ARHGAP15: variants seen among roughly 807,000 people sequenced by gnomAD.
ARHGAP15 encodes the protein rho GTPase-activating protein 15.
A neutral mutation model predicts 63.7 loss-of-function variants in ARHGAP15; 51 were observed. The ratio of observed to expected loss-of-function variants is 0.80; its 90% CI spans 0.64 to 1.01. The LOEUF (loss-of-function observed/expected upper bound fraction) is 1.01. ARHGAP15 is among the 50% of genes least tolerant of loss of function. ARHGAP15 has a pLI of 0.00. For synonymous variants in ARHGAP15, 191 were observed against 193.8 expected, an observed-to-expected ratio of 0.99 and a Z score of 0.12; for missense variants, 560 against 564.6, an observed-to-expected ratio of 0.99 and a Z score of 0.08.
chr2:143,384,862 T>C lies in ARHGAP15; in HGVS notation c.475-50739T>C, dbSNP rs374298058. On this transcript the variant is annotated intron_variant, in intron 6 of 13. Transcript: ENST00000295095. ...ACCTTACCTTACCCCATTATGGGGG[T>C]TGGGGGGAGGAAAAAAGCTTCAGTG... Among the ~76,000 whole-genome samples, 5 of 152,240 alleles carry C rather than the reference T, an allele frequency of 3.3e-5. No individual in the cohort carries two copies. In the East Asian group the frequency reaches 7.7e-4, roughly 23 times the overall value.
At chr2:143,449,389 C>T (rs1253498876) in intron 8 of ARHGAP15, among the ~76,000 whole-genome samples, 1 of 152,044 alleles carries the variant, frequency 6.6e-6, no homozygotes, top group Non-Finnish European at 1.5e-5. Flanking sequence ...CTTTTCGGAA[C>T]ACATAATCTC....
intron 6 of ARHGAP15, among the ~76,000 whole-genome samples, chr2:143,312,521 C>T (rs983938713): frequency 6.6e-6 from 1 of 151,816 alleles, no homozygotes; most frequent in African/African-American, 2.4e-5. Context: ...GTTATTTTTG[C>T]AGTAACGTAT....
intron 11 of ARHGAP15, chr2:143,608,092 G>T (rs1698111535): frequency 6.6e-6 from 1 of 152,082 alleles, no homozygotes; most frequent in Non-Finnish European, 1.5e-5. Context: ...CAATATGAAG[G>T]GCTGAAAATG....
At chr2:143,256,842 G>A (rs542945219) in intron 6 of ARHGAP15, among the ~76,000 whole-genome samples, 37 of 151,988 alleles carry the variant, frequency 2.4e-4, no homozygotes, top group Non-Finnish European at 4.1e-4. Context: ...TCTGGGGACA[G>A]GAAATAAAAT....
intron 11 of ARHGAP15, among the ~76,000 whole-genome samples, chr2:143,585,752 C>T (rs952762561): frequency 6.6e-6 from 1 of 152,126 alleles, no homozygotes; most frequent in African/African-American, 2.4e-5. Context: ...TCCAGATAGT[C>T]TTCCAAGTTA....
chr2:143,392,348 C>T (rs937328122), intron 6 of ARHGAP15, among the ~76,000 whole-genome samples: 1 of 152,158 alleles, frequency 6.6e-6, no homozygotes, highest in East Asian at 1.9e-4. Flanking sequence ...ATTTGATCCA[C>T]ATCATCAACT....
chr2:143,734,225 T>G (rs1685659020), intron 13 of ARHGAP15, among the ~76,000 whole-genome samples: 2 of 152,104 alleles, frequency 1.3e-5, no homozygotes, highest in Admixed American at 6.6e-5. Context: ...ATGTCCAGTG[T>G]CAATGTGCTC....
chr2:143,405,409 C>T (rs1688158807), intron 6 of ARHGAP15, among the ~76,000 whole-genome samples: 1 of 151,748 alleles, frequency 6.6e-6, no homozygotes, highest in African/African-American at 2.4e-5. Context: ...TATCCTTGTA[C>T]ATTTTAGTAC....
intron 11 of ARHGAP15, among the ~76,000 whole-genome samples, chr2:143,621,976 C>A (rs575581213): frequency 7.9e-5 from 12 of 151,880 alleles, no homozygotes; most frequent in African/African-American, 2.9e-4. Flanking sequence ...TTGGACTTTT[C>A]TGATAAATTT....
intron 6 of ARHGAP15, among the ~76,000 whole-genome samples, chr2:143,408,959 C>G (rs13018225): frequency 0.2 from 29,971 of 151,710 alleles, 3,571 homozygotes; most frequent in East Asian, 0.49. Context: ...ATGTTCTCTT[C>G]CTTTAAAGCT....
chr2:143,216,428 T>C lies in ARHGAP15; in HGVS notation c.279T>C (p.Asp93=). 3 of 1,609,750 alleles carry C rather than the reference T, an allele frequency of 1.9e-6. No homozygotes were observed. In the South Asian group the frequency reaches 3.3e-5, roughly 18 times the overall value. ...EGYLQKAKIA[D]GGKKLRKNWS... is the part of the protein sequence containing the mutation. ...ATCTGCAAAAAGCTAAAATTGCAGATGGAGGAAAGAAACTAAGGTAATAAA... is the reference window on the plus strand; with the variant it reads ...ATCTGCAAAAAGCTAAAATTGCAGACGGAGGAAAGAAACTAAGGTAATAAA... The change falls in exon 4 of 14, where the codon GAT becomes GAC. Residue 93 remains aspartate, a synonymous_variant. Coordinates refer to ENST00000295095, the MANE Select transcript of ARHGAP15 (RefSeq NM_018460.4).
chr2:143,462,033 C>T (rs536705154), intron 8 of ARHGAP15, among the ~76,000 whole-genome samples: 2 of 152,092 alleles, frequency 1.3e-5, no homozygotes, highest in South Asian at 2.1e-4. Context: ...CGCAGCTACT[C>T]GGAGTAGTTC....
chr2:143,380,978 G>A lies in ARHGAP15; in HGVS notation c.475-54623G>A, dbSNP rs548106128. On this transcript the variant is annotated intron_variant, in intron 6 of 13. Transcript: ENST00000295095. ...GATGACCCTGGACTGTTAGTTAAGC[G>A]AAGCTGTATCTTGGTGTGTGAATGA... Among the ~76,000 whole-genome samples the A allele has an allele frequency of 1.6e-3, 246 of 152,292 alleles. 1 individual carries two copies. Among genetic ancestry groups the A allele is most frequent in the Non-Finnish European group, 2.7e-3 (186 of 68,006 alleles).
rs77870858 is a variant in ARHGAP15 at position 143,598,417 on chromosome 2, C to T, written c.1004-25716C>T. On this transcript the variant is annotated intron_variant, in intron 11 of 13. Coordinates refer to ENST00000295095, the MANE Select transcript of ARHGAP15 (RefSeq NM_018460.4). ...CTTCAGTTGTATTAAGTGAAATACACGTGTTAAAATTCCGAGGCCATCATG... is the reference window on the plus strand; with the variant it reads ...CTTCAGTTGTATTAAGTGAAATACATGTGTTAAAATTCCGAGGCCATCATG... 6.6e-5 allele frequency among the ~76,000 whole-genome samples: 10 copies of T among 152,244 alleles called. No individual in the cohort carries two copies. The East Asian group carries it at 9.6e-4, about 15-fold the overall frequency.
chr2:143,195,012 C>G (rs1017236375), intron 2 of ARHGAP15, among the ~76,000 whole-genome samples: 1 of 152,072 alleles, frequency 6.6e-6, no homozygotes, highest in African/African-American at 2.4e-5. Flanking sequence ...GAGCGAGAGG[C>G]TGGTGGGCAC....
At chr2:143,563,744 A>G (rs970662994) in intron 11 of ARHGAP15, among the ~76,000 whole-genome samples, 3 of 152,198 alleles carry the variant, frequency 2.0e-5, no homozygotes, top group South Asian at 2.1e-4. Context: ...TGCCATAACC[A>G]TCAAAATTAA....
At chr2:143,642,871 G>T (rs1205751029) in intron 12 of ARHGAP15, among the ~76,000 whole-genome samples, 1 of 152,088 alleles carries the variant, frequency 6.6e-6, no homozygotes, top group Non-Finnish European at 1.5e-5. Flanking sequence ...GGAAAGTGAG[G>T]AATTGGGGTT....
chr2:143,400,587 C>T (rs1687949015), intron 6 of ARHGAP15, among the ~76,000 whole-genome samples: 1 of 151,956 alleles, frequency 6.6e-6, no homozygotes. Flanking sequence ...GATACACATG[C>T]AAAATTGAAA....
intron 10 of ARHGAP15, among the ~76,000 whole-genome samples, chr2:143,537,228 T>G (rs1694817201): frequency 1.3e-5 from 2 of 152,174 alleles, no homozygotes; most frequent in African/African-American, 4.8e-5. Context: ...CGAGGTTGTT[T>G]GTTTTTTTCT....
Sources: allele counts gnomAD v4.1 joint callset (sites outside exome capture counted in the v4.1 genomes callset), GRCh38; gene constraint gnomAD v4.1.1; transcripts MANE v1.5; gene names NCBI Gene and HGNC (gene_info 2026-07-23, HGNC 2026-07-21).